TRPC6: variants seen among roughly 807,000 people sequenced by gnomAD.
TRPC6 encodes the protein short transient receptor potential channel 6.
Under a neutral mutation model 90.7 loss-of-function variants are expected in TRPC6, and 55 were observed. The observed-to-expected ratio is 0.61, with a 90% CI of 0.49 to 0.76. The LOEUF (loss-of-function observed/expected upper bound fraction) is 0.76, where lower values mean the gene tolerates loss of function less well. Among genes scored for constraint, TRPC6 ranks in the 30% least tolerant of loss-of-function variants. The pLI is 0.00. For missense variants in TRPC6, 989 were observed against 1,122.7 expected, an observed-to-expected ratio of 0.88 and a Z score of 1.70; for synonymous variants, 393 against 393.0, an observed-to-expected ratio of 1.00 and a Z score of 0.00.
intron 1 of TRPC6, among the ~76,000 whole-genome samples, chr11:101,546,560 T>C (rs557821218): frequency 1.8e-4 from 27 of 152,148 alleles, no homozygotes; most frequent in South Asian, 4.1e-4. Context: ...ACCTAGAAAA[T>C]TGGGCAAGCT....
chr11:101,514,634 T>C (rs898869975), intron 1 of TRPC6, among the ~76,000 whole-genome samples: 1 of 152,210 alleles, frequency 6.6e-6, no homozygotes, highest in Non-Finnish European at 1.5e-5. Flanking sequence ...TAAACATCCA[T>C]TGATATTCAC....
intron 1 of TRPC6, among the ~76,000 whole-genome samples, chr11:101,521,027 G>A (rs1183071994): frequency 6.6e-6 from 1 of 152,140 alleles, no homozygotes; most frequent in African/African-American, 2.4e-5. Context: ...ACCCTGTGTA[G>A]AAAAGAAAAA....
intron 1 of TRPC6, among the ~76,000 whole-genome samples, chr11:101,506,943 A>G (rs1179921395): frequency 1.3e-5 from 2 of 150,180 alleles, no homozygotes; most frequent in African/African-American, 4.9e-5. Flanking sequence ...TTGATTTTTC[A>G]GGTTTGGCAT....
At chr11:101,562,095 TA>T (rs1861728283) in intron 1 of TRPC6, among the ~76,000 whole-genome samples, 1 of 152,036 alleles carries the variant, frequency 6.6e-6, no homozygotes, top group Admixed American at 6.6e-5. Flanking sequence ...CCTGGGAAAC[TA>T]AAAATTCAAA....
Position 101,583,666 on chromosome 11 carries a change from A to C in TRPC6, c.-163T>G. ...AGCAGGGGGTGCAGACGCCCGCCGC[A>C]AGTGGCTCGCCCACTGGCCCGGGGA... On this transcript the variant is annotated 5_prime_UTR_variant, in exon 1 of 13. Coordinates refer to ENST00000344327, the MANE Select transcript of TRPC6 (RefSeq NM_004621.6). 1.5e-6 allele frequency: 1 copy of C among 686,302 alleles called. No individual in the cohort carries two copies. Among genetic ancestry groups the C allele is most frequent in the East Asian group, 3.3e-5 (1 of 30,174 alleles). The allele number at this position is 686,302 out of a possible 1,614,324, so 42.5% of individuals were successfully genotyped here.
At chr11:101,575,979 G>A (rs1862061578) in intron 1 of TRPC6, among the ~76,000 whole-genome samples, 1 of 152,094 alleles carries the variant, frequency 6.6e-6, no homozygotes, top group Admixed American at 6.5e-5. Flanking sequence ...GCTGTGCCTG[G>A]CTGAATACTG....
intron 1 of TRPC6, among the ~76,000 whole-genome samples, chr11:101,556,346 A>G (rs1861560605): frequency 6.6e-6 from 1 of 152,118 alleles, no homozygotes; most frequent in South Asian, 2.1e-4. Flanking sequence ...AATAGAGATA[A>G]TTCAAATAAA....
intron 1 of TRPC6, among the ~76,000 whole-genome samples, chr11:101,582,997 G>T (rs912071583): frequency 6.6e-6 from 1 of 152,176 alleles, no homozygotes. Flanking sequence ...TAGCGATCCT[G>T]TCTCTTGTAG....
intron 2 of TRPC6, among the ~76,000 whole-genome samples, chr11:101,492,279 A>G (rs1321338856): frequency 6.6e-6 from 1 of 152,084 alleles, no homozygotes; most frequent in African/African-American, 2.4e-5. Flanking sequence ...GCATAATCAA[A>G]GTTATTTAAA....
At chr11:101,565,928 C>G (rs539525648) in intron 1 of TRPC6, among the ~76,000 whole-genome samples, 14 of 152,244 alleles carry the variant, frequency 9.2e-5, no homozygotes, top group African/African-American at 1.4e-4. Context: ...TAATCCCCAT[C>G]ATCCAGTGTA....
chr11:101,472,098 C>T (rs749192599), intron 8 of TRPC6, 39 bp downstream of exon 8: 1 of 1,597,056 alleles, frequency 6.3e-7, no homozygotes, highest in South Asian at 1.1e-5. Flanking sequence ...ATAGTTAAAA[C>T]ATGAAGGCAC....
chr11:101,515,050 A>C (rs1860486133), intron 1 of TRPC6, among the ~76,000 whole-genome samples: 1 of 152,216 alleles, frequency 6.6e-6, no homozygotes, highest in Non-Finnish European at 1.5e-5. Context: ...GATAGCAGTT[A>C]CCTGTTAGGG....
chr11:101,573,098 C>G lies in TRPC6; in HGVS notation c.170+10236G>C, dbSNP rs188086147. Among the ~76,000 whole-genome samples the G allele has an allele frequency of 8.2e-4, 121 of 147,490 alleles. 1 individual carries two copies. The highest frequency in any genetic ancestry group is 2.6e-3 in the African/African-American group (108 of 41,126). ...AAATGCTAAGATGAAAACTTGATAC[C>G]CTAAAGGCAAAATCTAGTGATACAG... is the stretch of plus-strand genomic sequence containing the variant. On this transcript the variant is annotated intron_variant, in intron 1 of 12. Transcript: ENST00000344327.
intron 5 of TRPC6, among the ~76,000 whole-genome samples, chr11:101,481,533 A>G (rs534938370): frequency 6.6e-6 from 1 of 152,250 alleles, no homozygotes; most frequent in South Asian, 2.1e-4. Flanking sequence ...CTCCAGTCCC[A>G]GGCATGATCT....
intron 3 of TRPC6, 25 bp from the exon 4 acceptor site, chr11:101,489,126 T>G: frequency 6.2e-7 from 1 of 1,610,632 alleles, no homozygotes; most frequent in African/African-American, 1.3e-5. Context: ...ACAAAATATT[T>G]AAATTTGACT....
intron 1 of TRPC6, among the ~76,000 whole-genome samples, chr11:101,508,206 T>C (rs1860318284): frequency 6.6e-6 from 1 of 152,164 alleles, no homozygotes; most frequent in Non-Finnish European, 1.5e-5. Flanking sequence ...TTTTTTATGT[T>C]TGTTTGCTTT....
intron 5 of TRPC6, among the ~76,000 whole-genome samples, chr11:101,482,587 A>G (rs1163603856): frequency 6.6e-6 from 1 of 152,224 alleles, no homozygotes; most frequent in Non-Finnish European, 1.5e-5. Context: ...TGTTAGCTTC[A>G]ATTCCTATCA....
At chr11:101,577,324 G>T in intron 1 of TRPC6, among the ~76,000 whole-genome samples, 1 of 66,156 alleles carries the variant, frequency 1.5e-5, no homozygotes, top group African/African-American at 4.2e-5. Context: ...AATATGTCTT[G>T]TTAAGAAAAT....
chr11:101,548,256 T>G (rs1341751516), intron 1 of TRPC6, among the ~76,000 whole-genome samples: 4 of 117,204 alleles, frequency 3.4e-5, no homozygotes, highest in African/African-American at 1.4e-4. Flanking sequence ...AGATCATATA[T>G]ATATACATAT....
Sources: gnomAD v4.1 joint callset for allele counts (sites outside exome capture counted in the v4.1 genomes callset) on GRCh38, gnomAD v4.1.1 for gene constraint, MANE v1.5 for transcripts, NCBI Gene and HGNC (gene_info 2026-07-23, HGNC 2026-07-21) for gene names.